ARL15: variants seen among roughly 807,000 people sequenced by gnomAD.
ARL15 encodes ADP-ribosylation factor-like protein 15.
A neutral mutation model predicts 25.2 loss-of-function variants in ARL15; 19 were observed. The observed-to-expected ratio is 0.75, with a 90% CI of 0.53 to 1.10. The LOEUF (loss-of-function observed/expected upper bound fraction) is 1.10, where lower values mean the gene tolerates loss of function less well. Among genes scored for constraint, ARL15 ranks in the 50% least tolerant of loss-of-function variants. The probability of loss-of-function intolerance (pLI) is 0.00; values close to 1 mark genes in which losing one functional copy is unlikely to be tolerated. For missense variants in ARL15, 220 were observed against 246.0 expected (o/e 0.89, Z 0.71); for synonymous variants, 94 against 86.8 (o/e 1.08, Z -0.46).
chr5:54,265,849 T>C (rs1757610268), intron 1 of ARL15, among the ~76,000 whole-genome samples: 1 of 152,220 alleles, frequency 6.6e-6, no homozygotes. Context: ...GAATGATGGC[T>C]GACACTTACG....
intron 1 of ARL15, among the ~76,000 whole-genome samples, chr5:54,184,721 T>C (rs1029706097): frequency 6.6e-6 from 1 of 151,904 alleles, no homozygotes; most frequent in Non-Finnish European, 1.5e-5. Context: ...TTAGGCTCCA[T>C]AAAGATGGAG....
Position 53,986,590 on chromosome 5 carries a change from T to C in ARL15, c.463-99877A>G, listed in dbSNP as rs1748307162. 2.0e-5 allele frequency among the ~76,000 whole-genome samples: 3 copies of C among 152,218 alleles called. 1 individual carries two copies. The highest frequency in any genetic ancestry group is 2.0e-4 in the Admixed American group (3 of 15,276). ...TTCCAATGCAGGTGGTCTCTGACTA[T>C]GCTTTGGCAAACACTGAAGAATCAG... On this transcript the variant is annotated intron_variant, in intron 4 of 4. Coordinates refer to ENST00000504924, the MANE Select transcript of ARL15 (RefSeq NM_019087.3).
intron 4 of ARL15, among the ~76,000 whole-genome samples, chr5:53,964,283 G>T (rs697113): frequency 0.7 from 105,829 of 152,056 alleles, 36,901 homozygotes; most frequent in Middle Eastern, 0.76. Flanking sequence ...TTTTCCTTTT[G>T]TTTAAAAAAA....
intron 1 of ARL15, among the ~76,000 whole-genome samples, chr5:54,184,174 C>T (rs1455698114): frequency 7.8e-6 from 1 of 128,528 alleles, no homozygotes; most frequent in Non-Finnish European, 1.6e-5. Context: ...GGGTGCAGCA[C>T]ACCAGCATGG....
intron 4 of ARL15, among the ~76,000 whole-genome samples, chr5:54,085,601 T>C (rs2112124608): frequency 6.6e-6 from 1 of 152,310 alleles, no homozygotes; most frequent in South Asian, 2.1e-4. Context: ...TAGTATTGGT[T>C]TAAAACATCT....
intron 1 of ARL15, among the ~76,000 whole-genome samples, chr5:54,272,294 G>A (rs1441067011): frequency 6.6e-6 from 1 of 151,786 alleles, no homozygotes; most frequent in Admixed American, 6.6e-5. Context: ...CTACGGATAT[G>A]AGTAAACCAC....
chr5:54,100,785 G>T (rs1752412954), intron 4 of ARL15, among the ~76,000 whole-genome samples: 1 of 151,912 alleles, frequency 6.6e-6, no homozygotes. Context: ...CATTAAGTTG[G>T]CATTTCTAAC....
At chr5:54,098,153 T>C (rs1477438630) in intron 4 of ARL15, among the ~76,000 whole-genome samples, 1 of 152,146 alleles carries the variant, frequency 6.6e-6, no homozygotes, top group Non-Finnish European at 1.5e-5. Context: ...CTGAGGAAAG[T>C]TGGATGCTCC....
intron 4 of ARL15, among the ~76,000 whole-genome samples, chr5:53,987,360 A>C (rs983148473): frequency 6.6e-6 from 1 of 152,176 alleles, no homozygotes; most frequent in East Asian, 1.9e-4. Flanking sequence ...TTTTCTCTTC[A>C]TCTAGATCTA....
chr5:54,116,638 A>T (rs747134854), intron 3 of ARL15, among the ~76,000 whole-genome samples: 7 of 152,182 alleles, frequency 4.6e-5, no homozygotes, highest in Non-Finnish European at 1.0e-4. Flanking sequence ...TAATGGCTGC[A>T]ATTGACAAAC....
chr5:54,047,941 T>C (rs1436265349), intron 4 of ARL15: 4 of 152,224 alleles, frequency 2.6e-5, no homozygotes, highest in Non-Finnish European at 4.4e-5. Context: ...TGTCTTGTTT[T>C]TAGAAATTAC....
intron 1 of ARL15, among the ~76,000 whole-genome samples, chr5:54,298,797 T>C (rs913816372): frequency 6.6e-6 from 1 of 151,964 alleles, no homozygotes; most frequent in Admixed American, 6.6e-5. Context: ...AAAGTCTCTA[T>C]CCTCACCTGC....
At chr5:54,056,953 C>A (rs1451431058) in intron 4 of ARL15, among the ~76,000 whole-genome samples, 2 of 151,684 alleles carry the variant, frequency 1.3e-5, no homozygotes, top group African/African-American at 4.8e-5. Flanking sequence ...TGAACACAAA[C>A]ATATACACAT....
At chr5:54,029,315 C>T (rs889824303) in intron 4 of ARL15, among the ~76,000 whole-genome samples, 6 of 115,708 alleles carry the variant, frequency 5.2e-5, no homozygotes, top group African/African-American at 1.1e-4. Flanking sequence ...TTACCACCAC[C>T]ACCACCACCA....
intron 3 of ARL15, among the ~76,000 whole-genome samples, chr5:54,115,664 A>G (rs932298069): frequency 6.6e-6 from 1 of 152,182 alleles, no homozygotes; most frequent in African/African-American, 2.4e-5. Context: ...AAAAATAACT[A>G]GGTATATATT....
chr5:54,291,433 G>T (rs972079749), intron 1 of ARL15, among the ~76,000 whole-genome samples: 26 of 152,102 alleles, frequency 1.7e-4, no homozygotes, highest in Admixed American at 6.6e-4. Context: ...CAATGACAAT[G>T]TTGTGTAATT....
At chr5:54,214,290 T>G (rs995462718) in intron 1 of ARL15, among the ~76,000 whole-genome samples, 8 of 152,280 alleles carry the variant, frequency 5.3e-5, no homozygotes, top group Admixed American at 1.3e-4. Flanking sequence ...CCAGTAAAAA[T>G]TCTGCAAAGA....
chr5:54,257,062 C>T (rs2112612961), intron 1 of ARL15, among the ~76,000 whole-genome samples: 1 of 152,244 alleles, frequency 6.6e-6, no homozygotes, highest in African/African-American at 2.4e-5. Flanking sequence ...ACCACTTCTG[C>T]TAAACGTAGT....
intron 4 of ARL15, among the ~76,000 whole-genome samples, chr5:54,029,294 T>A (rs1167833658): frequency 6.7e-6 from 1 of 148,614 alleles, no homozygotes; most frequent in Non-Finnish European, 1.5e-5. Flanking sequence ...ATAGTTAATT[T>A]ATAAAAACAG....
Sources: allele counts gnomAD v4.1 joint callset (sites outside exome capture counted in the v4.1 genomes callset), GRCh38; gene constraint gnomAD v4.1.1; transcripts MANE v1.5; gene names NCBI Gene and HGNC (gene_info 2026-07-23, HGNC 2026-07-21).